GLMN: variants seen among roughly 807,000 people sequenced by gnomAD.
GLMN encodes glomulin.
GLMN carries 75 observed loss-of-function variants against 87.8 expected under a neutral mutation model. The observed-to-expected ratio is 0.85, with a 90% CI of 0.71 to 1.04. The LOEUF is 1.04. Among genes scored for constraint, GLMN ranks in the 50% least tolerant of loss-of-function variants. GLMN has a pLI of 0.00. For missense variants in GLMN, 588 were observed against 658.8 expected, an observed-to-expected ratio of 0.89 and a Z score of 1.18; for synonymous variants, 206 against 221.6, an observed-to-expected ratio of 0.93 and a Z score of 0.63.
At chr1:92,341,585 T>C in the GLMN span, among the ~76,000 whole-genome samples, 1 of 152,226 alleles carries the variant, frequency 6.6e-6, no homozygotes, top group Non-Finnish European at 1.5e-5. Context: ...TTTTGGTGAA[T>C]GTATAAGTGA....
chr1:92,248,134 ATAGC>A (rs1265549724), intron 16 of GLMN, 145 bp from the exon 17 acceptor site: 1 of 608,126 alleles, frequency 1.6e-6, no homozygotes. Context: ...AATTATTACT[ATAGC>A]TAGTTATGTG....
At chr1:92,370,505 T>C in the GLMN span, among the ~76,000 whole-genome samples, 1 of 152,152 alleles carries the variant, frequency 6.6e-6, no homozygotes, top group Non-Finnish European at 1.5e-5. Flanking sequence ...GAAAATAAAA[T>C]CCTGCAAGAG....
intron 16 of GLMN, among the ~76,000 whole-genome samples, chr1:92,249,714 C>CAATACAGCTTGTCTT (rs1024005736): frequency 6.6e-6 from 1 of 152,026 alleles, no homozygotes; most frequent in African/African-American, 2.4e-5. Flanking sequence ...TGCTATCAAG[C>CAATACAGCTTGTCTT]AATACAGCTT....
intron 7 of GLMN, among the ~76,000 whole-genome samples, chr1:92,282,521 A>G (rs953415495): frequency 3.3e-5 from 5 of 152,234 alleles, no homozygotes; most frequent in African/African-American, 1.2e-4. Context: ...AAAAGAAAGC[A>G]GGAAAGAGCT....
At chr1:92,258,549 T>C (rs1570858470) in intron 16 of GLMN, among the ~76,000 whole-genome samples, 1 of 152,306 alleles carries the variant, frequency 6.6e-6, no homozygotes, top group South Asian at 2.1e-4. Context: ...GTGGCACATA[T>C]ATATCATGGA....
the GLMN span, among the ~76,000 whole-genome samples, chr1:92,352,378 G>C: frequency 6.6e-6 from 1 of 152,306 alleles, no homozygotes; most frequent in South Asian, 2.1e-4. Flanking sequence ...AGATACTCTG[G>C]AGAGTCACTT....
rs1487847480 is a variant in GLMN at position 92,262,922 on chromosome 1, T to C, written c.1414A>G (p.Met472Val). Residue 472 changes from methionine to valine, a missense_variant, in exon 16 of 19, where the codon ATG (methionine) becomes GTG (valine). Transcript: ENST00000370360. ...TACCTCAATAAATTTAATGAAGCCATAATCCTGTTAATTAAAAATATATGT... is the reference window on the plus strand; with the variant it reads ...TACCTCAATAAATTTAATGAAGCCACAATCCTGTTAATTAAAAATATATGT... ...TDLLQNSDRI[M>V]ASLNLLRYLV... 2.8e-6 allele frequency: 3 copies of C among 1,057,150 alleles called. No homozygotes were observed. The highest frequency in any genetic ancestry group is 1.3e-5 in the South Asian group (1 of 79,986). 65.5% of individuals were successfully genotyped at this position (1,057,150 alleles called of 1,614,324 possible).
chr1:92,278,382 C>T lies in GLMN; in HGVS notation c.736-6730G>A, dbSNP rs1186340166. Among the ~76,000 whole-genome samples, 4 of 152,286 alleles carry T rather than the reference C, an allele frequency of 2.6e-5. No homozygotes were observed. In the East Asian group the frequency reaches 7.7e-4, roughly 29 times the overall value. ...ACCTCTCCTACTTCATCCCTCACAG[C>T]CTCTTCACTATTATCGTGACCATCA... On this transcript the variant is annotated intron_variant, in intron 7 of 18. Transcript: ENST00000370360.
At chr1:92,253,086 G>C (rs1025164541) in intron 16 of GLMN, among the ~76,000 whole-genome samples, 1 of 152,080 alleles carries the variant, frequency 6.6e-6, no homozygotes, top group African/African-American at 2.4e-5. Flanking sequence ...GAAGTCATCC[G>C]GCTCTGCAAA....
the GLMN span, among the ~76,000 whole-genome samples, chr1:92,364,837 A>G: frequency 2.6e-5 from 4 of 152,084 alleles, no homozygotes; most frequent in Non-Finnish European, 5.9e-5. Flanking sequence ...CTCTAGCTTT[A>G]AAAATCATCT....
the GLMN span, among the ~76,000 whole-genome samples, chr1:92,357,578 C>T: frequency 3.3e-5 from 5 of 152,212 alleles, no homozygotes; most frequent in East Asian, 3.8e-4. Flanking sequence ...GTTGCCCAGG[C>T]TTGAGTGCAG....
rs1333259480 is a variant in GLMN, at chr1:92,290,318, T to C, written c.286-12A>G. The C allele has an allele frequency of 6.9e-7, 1 of 1,449,446 alleles. No individual in the cohort carries two copies. Among genetic ancestry groups the C allele is most frequent in the African/African-American group, 1.4e-5 (1 of 71,848 alleles). 89.8% of individuals were successfully genotyped at this position (1,449,446 alleles called of 1,614,324 possible). A position where few individuals can be genotyped will look rare whatever the true frequency, so the allele number is the denominator to read the frequency against. On this transcript the variant is annotated splice_polypyrimidine_tract_variant and intron_variant, in intron 4 of 18. Coordinates refer to ENST00000370360, the MANE Select transcript of GLMN (RefSeq NM_053274.3). ...TTTGGATTGCATAACTATAAAAATA[T>C]TCACAATTGAACCTGTTTAATACAA...
At chr1:92,273,471 G>T (rs1158944966) in intron 7 of GLMN, among the ~76,000 whole-genome samples, 3 of 143,896 alleles carry the variant, frequency 2.1e-5, no homozygotes, top group South Asian at 2.2e-4. Flanking sequence ...TGGCGACAAG[G>T]TCTCACTCTG....
At chr1:92,345,266 T>A in the GLMN span, among the ~76,000 whole-genome samples, 1 of 151,304 alleles carries the variant, frequency 6.6e-6, no homozygotes, top group Non-Finnish European at 1.5e-5. Flanking sequence ...CTCAAGAGGC[T>A]GAGTCAGGAG....
intron 8 of GLMN, among the ~76,000 whole-genome samples, chr1:92,271,044 G>A (rs1332009725): frequency 6.6e-6 from 1 of 152,156 alleles, no homozygotes. Context: ...TTCAGTAAGG[G>A]ACTTCTTTTA....
At chr1:92,308,965 T>G in the GLMN span, among the ~76,000 whole-genome samples, 2 of 151,858 alleles carry the variant, frequency 1.3e-5, no homozygotes, top group Non-Finnish European at 1.5e-5. Context: ...GTCTCAAAAA[T>G]TAAATAAATA....
At chr1:92,263,428 G>A (rs565168021) in intron 15 of GLMN, among the ~76,000 whole-genome samples, 195 bp downstream of exon 15, 1 of 152,162 alleles carries the variant, frequency 6.6e-6, no homozygotes, top group East Asian at 1.9e-4. Flanking sequence ...CATTCATCTA[G>A]AAAGAGGAGG....
chr1:92,297,777 T>C, intron 2 of GLMN, 184 bp downstream of exon 2: 4 of 628,186 alleles, frequency 6.4e-6, no homozygotes, highest in Non-Finnish European at 1.1e-5. Flanking sequence ...AAAAGGTTAT[T>C]TAGATAAGTA....
the GLMN span, among the ~76,000 whole-genome samples, chr1:92,334,500 T>C: frequency 2.6e-5 from 4 of 152,082 alleles, no homozygotes. Flanking sequence ...TGGAAACAGT[T>C]AGGGGTCAAA....
Sources: gnomAD v4.1 joint callset for allele counts (sites outside exome capture counted in the v4.1 genomes callset) on GRCh38, gnomAD v4.1.1 for gene constraint, MANE v1.5 for transcripts, NCBI Gene and HGNC (gene_info 2026-07-23, HGNC 2026-07-21) for gene names.